ELAC1: variants seen among roughly 807,000 people sequenced by gnomAD.
ELAC1 encodes elaC ribonuclease Z 1.
ELAC1 carries 19 observed loss-of-function variants against 25.8 expected under a neutral mutation model. That is an observed-to-expected ratio of 0.74 (90% CI 0.51 to 1.08). ELAC1 has a LOEUF of 1.08. ELAC1 is among the 50% of genes least tolerant of loss of function. The probability of loss-of-function intolerance (pLI) is 0.00; values close to 1 mark genes in which losing one functional copy is unlikely to be tolerated. For synonymous variants in ELAC1, 148 were observed against 160.9 expected (o/e 0.92, Z 0.61); for missense variants, 403 against 434.6 (o/e 0.93, Z 0.65).
intron 2 of ELAC1, among the ~76,000 whole-genome samples, chr18:50,981,849 T>C (rs933308999): frequency 4.7e-5 from 7 of 149,622 alleles, no homozygotes; most frequent in African/African-American, 1.7e-4. Context: ...AGTTCTTTTT[T>C]TTTTTTTTTT....
At chr18:50,972,223 C>G (rs1410253570) in intron 1 of ELAC1, among the ~76,000 whole-genome samples, 2 of 151,822 alleles carry the variant, frequency 1.3e-5, no homozygotes, top group Non-Finnish European at 2.9e-5. Context: ...TTTTTTTGAA[C>G]ACGTTATTGG....
intron 1 of ELAC1, among the ~76,000 whole-genome samples, chr18:50,972,779 G>A (rs1006580902): frequency 7.2e-5 from 11 of 152,124 alleles, no homozygotes; most frequent in Non-Finnish European, 1.0e-4. Flanking sequence ...CACCGTGCCC[G>A]GCCTATTCTG....
chr18:50,986,496 T>C (rs1908111403), intron 3 of ELAC1, 123 bp from the exon 4 acceptor site: 4 of 770,122 alleles, frequency 5.2e-6, no homozygotes, highest in Non-Finnish European at 8.2e-6. Flanking sequence ...CCACAAGTAG[T>C]AAAACATTTA....
chr18:50,984,741 G>A (rs1599151342), intron 3 of ELAC1, 178 bp downstream of exon 3: 1 of 602,988 alleles, frequency 1.7e-6, no homozygotes, highest in Non-Finnish European at 2.9e-6. Flanking sequence ...AGACCAGCCT[G>A]GGCAACATGG....
intron 2 of ELAC1, among the ~76,000 whole-genome samples, chr18:50,979,531 A>G (rs1336431455): frequency 1.3e-5 from 2 of 152,118 alleles, no homozygotes; most frequent in African/African-American, 4.8e-5. Context: ...TGCTAGCAAG[A>G]TGGAGTCTTA....
Position 50,980,458 on chromosome 18 carries a change from A to G in ELAC1, c.158-3638A>G, listed in dbSNP as rs568758334. On this transcript the variant is annotated intron_variant, in intron 2 of 3. Transcript: ENST00000269466. ...GGAACCTTTAGTTTACTACATTTCT[A>G]TACGCTTAGAAAAAAAATTTCTGAG... Among the ~76,000 whole-genome samples the G allele has an allele frequency of 1.7e-4, 26 of 152,088 alleles. No individual in the cohort carries two copies. The South Asian group carries it at 5.2e-3, about 30-fold the overall frequency.
At chr18:50,978,484 A>G (rs1252877664) in intron 2 of ELAC1, among the ~76,000 whole-genome samples, 4 of 152,224 alleles carry the variant, frequency 2.6e-5, no homozygotes, top group Admixed American at 6.5e-5. Context: ...TTATCAAACC[A>G]TCAGACCTCG....
chr18:50,974,437 T>A lies in ELAC1; in HGVS notation c.33T>A (p.Gly11=). 6.4e-7 allele frequency: 1 copy of A among 1,571,352 alleles called. No homozygotes were observed. Among genetic ancestry groups the A allele is most frequent in the Admixed American group, 1.9e-5 (1 of 53,274 alleles). MSMDVTFLGT[G]AAYPSPTRGA... ...TGGATGTGACATTCCTGGGGACGGG[T>A]GCAGCATACCCATCTCCAACCCGGG... Residue 11 remains glycine, a synonymous_variant, in exon 2 of 4, where the codon GGT becomes GGA. Transcript: ENST00000269466.
intron 3 of ELAC1, chr18:50,984,962 A>T: frequency 4.3e-6 from 1 of 229,954 alleles, no homozygotes; most frequent in Non-Finnish European, 8.4e-6. Context: ...GTAAGCTTCC[A>T]CTCCTCTATC....
rs371555431 is a variant in ELAC1 at position 50,976,199 on chromosome 18, G to C, written c.157+1638G>C. 3.3e-5 allele frequency among the ~76,000 whole-genome samples: 5 copies of C among 152,258 alleles called. No homozygotes were observed. In the East Asian group the frequency reaches 7.7e-4, roughly 23 times the overall value. ...TAATGCAATCTCGTTTGTGTTTTAG[G>C]ACAGAGTTTTCTGATGGCACATGTA... On this transcript the variant is annotated intron_variant, in intron 2 of 3. Coordinates refer to ENST00000269466, the MANE Select transcript of ELAC1 (RefSeq NM_018696.3).
intron 2 of ELAC1, among the ~76,000 whole-genome samples, chr18:50,983,060 G>C (rs556366073): frequency 6.6e-6 from 1 of 152,068 alleles, no homozygotes; most frequent in African/African-American, 2.4e-5. Context: ...GGAGCAGTAG[G>C]GGGCAATGTA....
At chr18:50,973,925 G>A (rs1907727680) in intron 1 of ELAC1, among the ~76,000 whole-genome samples, 1 of 152,178 alleles carries the variant, frequency 6.6e-6, no homozygotes, top group Admixed American at 6.5e-5. Context: ...TTACATTAGA[G>A]CTCATTCACT....
chr18:50,984,613 C>A, intron 3 of ELAC1, 50 bp downstream of exon 3: 1 of 1,252,958 alleles, frequency 8.0e-7, no homozygotes, highest in Non-Finnish European at 1.1e-6. Flanking sequence ...ATCAATAGGG[C>A]TCCTGTTGAC....
At chr18:50,978,300 A>G (rs1015321418) in intron 2 of ELAC1, among the ~76,000 whole-genome samples, 2 of 152,060 alleles carry the variant, frequency 1.3e-5, no homozygotes, top group Non-Finnish European at 2.9e-5. Context: ...CCATTTTCAT[A>G]CTGCTATGAA....
chr18:50,969,080 T>G (rs1907581293), intron 1 of ELAC1: 1 of 152,254 alleles, frequency 6.6e-6, no homozygotes, highest in African/African-American at 2.4e-5. Context: ...AAAGCCATTA[T>G]CAGTGTACTT....
chr18:50,974,767 T>C (rs1907759191), intron 2 of ELAC1, among the ~76,000 whole-genome samples: 1 of 152,218 alleles, frequency 6.6e-6, no homozygotes, highest in Admixed American at 6.5e-5. Context: ...TCATTTATCC[T>C]GTAGATGCTG....
Position 50,968,074 on chromosome 18 carries a change from C to T in ELAC1, c.-49C>T, listed in dbSNP as rs999152955. On this transcript the variant is annotated 5_prime_UTR_variant, in exon 1 of 4. Transcript: ENST00000269466. The stretch of plus-strand genomic sequence containing the variant: ...CGGACAGCTGGGCCAGGGTGCGGGC[C>T]TGCGCCTCCCTCGGCTCCTGGCGCG... The T allele has an allele frequency of 1.3e-5, 2 of 152,134 alleles. No homozygotes were observed. Among genetic ancestry groups the T allele is most frequent in the South Asian group, 2.1e-4 (1 of 4,824 alleles). The allele number at this position is 152,134 out of a possible 1,614,324, so 9.4% of individuals were successfully genotyped here.
intron 3 of ELAC1, among the ~76,000 whole-genome samples, chr18:50,985,251 G>A (rs620626): frequency 0.072 from 10,911 of 152,212 alleles, 996 homozygotes; most frequent in African/African-American, 0.21. Flanking sequence ...TCTTCGGTCT[G>A]AGAATTTTTG....
chr18:50,980,052 T>A (rs749180406), intron 2 of ELAC1, among the ~76,000 whole-genome samples: 1 of 152,088 alleles, frequency 6.6e-6, no homozygotes, highest in Non-Finnish European at 1.5e-5. Context: ...AAATAAACAG[T>A]TGGAGTTGGG....
Sources: allele counts gnomAD v4.1 joint callset (sites outside exome capture counted in the v4.1 genomes callset), GRCh38; gene constraint gnomAD v4.1.1; transcripts MANE v1.5; gene names NCBI Gene and HGNC (gene_info 2026-07-23, HGNC 2026-07-21).